The following TAF6 variants were observed in gnomAD, a reference collection of about 807,000 sequenced individuals.
TAF6 encodes transcription initiation factor TFIID subunit 6.
TAF6 carries 50 observed loss-of-function variants against 73.5 expected under a neutral mutation model. The observed-to-expected ratio is 0.68, with a 90% CI of 0.54 to 0.86. The LOEUF is 0.86. Ranked by LOEUF, TAF6 falls within the 40% of genes least tolerant of loss-of-function variation. The pLI, the probability that TAF6 is intolerant of heterozygous loss-of-function variation, is 0.00. For synonymous variants in TAF6, 424 were observed against 376.7 expected, an observed-to-expected ratio of 1.13 and a Z score of -1.45; for missense variants, 768 against 899.5, an observed-to-expected ratio of 0.85 and a Z score of 1.87.
chr7:100,112,834 C>T lies in TAF6; in HGVS notation c.538G>A (p.Gly180Ser), dbSNP rs762240385. 4 of 1,613,796 alleles carry T rather than the reference C, an allele frequency of 2.5e-6. No homozygotes were observed. The South Asian group carries it at 3.3e-5, about 13-fold the overall frequency. Residue 180 changes from glycine to serine, a missense_variant, in exon 6 of 15, where the codon GGC becomes AGC. This residue lies in a region of TAF6 where 269 missense variants were observed against 268.0 expected (regional missense o/e 1.00). Transcript: ENST00000453269. ...PGQEEDGPLK[G>S]KGQGATTADG... ...GCTGTGGTGGCCCCTTGACCTTTGC[C>T]CTTCAGGGGTCCGTCTTCCTCCTGG...
At position 100,113,750 on chromosome 7, in the gene TAF6, G is replaced by C. The variant is rs1584559442; in HGVS notation, c.263C>G (p.Ala88Gly). 1.2e-6 allele frequency: 2 copies of C among 1,613,988 alleles called. No homozygotes were observed. The highest frequency in any genetic ancestry group is 1.1e-5 in the South Asian group (1 of 91,062). The change falls in exon 4 of 15, where the codon GCC becomes GGC. Residue 88 changes from alanine to glycine, a missense_variant. Transcript: ENST00000453269. ...KNVEPLYGFH[A>G]QEFIPFRFAS... Reference sequence around the variant, plus strand: ...GAAGCGGAAAGGAATGAACTCCTGGGCGTGGAAGCCATAGAGTGGCTGTGG... The same window carrying C: ...GAAGCGGAAAGGAATGAACTCCTGGCCGTGGAAGCCATAGAGTGGCTGTGG...
chr7:100,116,884 G>A lies in TAF6; in HGVS notation c.-60+2320C>T, dbSNP rs557162523. ...AAATATCTAATTGGCTGCCTACCCT[G>A]ACCACCCTATTTAACTCTGCACTCT... On this transcript the variant is annotated intron_variant, in intron 1 of 14. Coordinates refer to ENST00000453269, the MANE Select transcript of TAF6 (RefSeq NM_139315.3). Among the ~76,000 whole-genome samples the A allele has an allele frequency of 5.3e-5, 8 of 152,144 alleles. No homozygotes were observed. In the East Asian group the frequency reaches 1.5e-3, roughly 29 times the overall value.
intron 12 of TAF6, among the ~76,000 whole-genome samples, chr7:100,109,397 G>A (rs1796946516): frequency 1.3e-5 from 2 of 152,116 alleles, no homozygotes; most frequent in Admixed American, 1.3e-4. Flanking sequence ...TACTGTGGCA[G>A]GATGGTTAAT....
chr7:100,119,983 G>T, upstream of TAF6: 1 of 842,616 alleles, frequency 1.2e-6, no homozygotes, highest in South Asian at 2.0e-5. Context: ...GGGAGGTTCT[G>T]GTGGAGCTTG....
rs1483215004 is a variant in TAF6, at chr7:100,111,771, A to G, written c.857T>C (p.Val286Ala). ...CGTGGGGTTGTCCATCAGCGCTTTC[A>G]CCATACGCATCAGGTAGATGAGTAG... ...LALLIYLMRM[V>A]KALMDNPTLY... The change falls in exon 9 of 15, where the codon GTG becomes GCG. Residue 286 changes from valine to alanine, a missense_variant. Transcript: ENST00000453269. 1.2e-6 allele frequency: 2 copies of G among 1,614,152 alleles called. No individual in the cohort carries two copies. The highest frequency in any genetic ancestry group is 1.1e-5 in the South Asian group (1 of 91,078).
upstream of TAF6, chr7:100,119,754 G>A (rs1184064857): frequency 3.1e-6 from 5 of 1,614,214 alleles, no homozygotes; most frequent in Non-Finnish European, 4.2e-6. Context: ...CATGGGACCT[G>A]TGCGGTTGGG....
the TAF6 span, among the ~76,000 whole-genome samples, chr7:100,126,215 G>A: frequency 1.7e-3 from 253 of 152,228 alleles, 2 homozygotes; most frequent in African/African-American, 5.8e-3. Flanking sequence ...GGTGGTGGGC[G>A]CCTGTAATCC....
At position 100,111,845 on chromosome 7, in the gene TAF6, G is replaced by A; in HGVS notation, c.799-16C>T. 6.2e-7 allele frequency: 1 copy of A among 1,614,212 alleles called. No homozygotes were observed. ...TCACACGGACCTGTGGGAGGGAGAA[G>A]TGCTGGGCATGGGGCAGGGAGACCC... On this transcript the variant is annotated splice_polypyrimidine_tract_variant and intron_variant, in intron 8 of 14. Coordinates refer to ENST00000453269, the MANE Select transcript of TAF6 (RefSeq NM_139315.3).
intron 14 of TAF6, 51 bp from the exon 15 acceptor site, chr7:100,107,674 C>A (rs763657555): frequency 1.9e-6 from 3 of 1,591,216 alleles, no homozygotes; most frequent in Admixed American, 1.8e-5. Context: ...CCCTGCCCCC[C>A]AGAGGCCTGG....
At chr7:100,124,286 A>C (rs1362876275), upstream of TAF6, 2 of 508,514 alleles carry the variant, frequency 3.9e-6, no homozygotes, top group Admixed American at 6.5e-5. Flanking sequence ...ATTACCATAC[A>C]TATTTTACAG....
upstream of TAF6, among the ~76,000 whole-genome samples, chr7:100,121,899 A>T (rs1342142656): frequency 6.6e-6 from 1 of 152,034 alleles, no homozygotes; most frequent in Non-Finnish European, 1.5e-5. Context: ...AAATACAAAA[A>T]ATTAGCCGGG....
chr7:100,120,036 C>A, upstream of TAF6: 1 of 528,268 alleles, frequency 1.9e-6, no homozygotes, highest in Non-Finnish European at 3.2e-6. Flanking sequence ...TGTAGTGCCA[C>A]CTCAAACTGC....
rs4134907 is a variant in TAF6 at position 100,111,674 on chromosome 7, T to G, written c.900+54A>C. The stretch of plus-strand genomic sequence containing the variant: ...CCACTGCTGACCACTGACTTCCTGT[T>G]GGTGGCAGCAGGGTCCCTAGTCCCT... On this transcript the variant is annotated intron_variant, in intron 9 of 14. Coordinates refer to ENST00000453269, the MANE Select transcript of TAF6 (RefSeq NM_139315.3). 3,596 of 1,571,868 alleles carry G rather than the reference T, an allele frequency of 2.3e-3. 74 individuals carry two copies. In the African/African-American group the frequency reaches 0.042, roughly 19 times the overall value.
intron 1 of TAF6, chr7:100,115,528 GGCGC>G (rs1797599658): frequency 6.6e-6 from 1 of 152,206 alleles, no homozygotes; most frequent in Non-Finnish European, 1.5e-5. Context: ...TGGGCATGGT[GGCGC>G]GTGCCTGTAA....
upstream of TAF6, chr7:100,122,127 C>A: frequency 9.1e-7 from 1 of 1,102,632 alleles, no homozygotes; most frequent in African/African-American, 1.6e-5. Context: ...AATGGCTGAG[C>A]CAGGATTCCA....
At chr7:100,113,321 G>C in intron 5 of TAF6, 28 bp downstream of exon 5, 1 of 1,554,760 alleles carries the variant, frequency 6.4e-7, no homozygotes, top group Non-Finnish European at 8.7e-7. Flanking sequence ...GGGACCCAGA[G>C]ACCCAGAGGG....
upstream of TAF6, chr7:100,122,327 G>A (rs780840644): frequency 7.6e-5 from 122 of 1,614,146 alleles, no homozygotes; most frequent in Non-Finnish European, 1.0e-4. Context: ...AGAGGTGCTG[G>A]AGCTGGGGCA....
At position 100,112,872 on chromosome 7, in the gene TAF6, G is replaced by A. The variant is rs1397996420; in HGVS notation, c.500C>T (p.Ser167Leu). The change falls in exon 6 of 15, where the codon TCA becomes TTA. Residue 167 changes from serine (S) to leucine (L), a missense_variant. By Grantham distance (145) the Ser-to-Leu change is moderately radical. Coordinates refer to ENST00000453269, the MANE Select transcript of TAF6 (RefSeq NM_139315.3). ...GTCTTCCTCCTGGCCTGGCTTGGCT[G>A]ACTTCAGGGGTTCTGTGGCTTCAGC... ...QKAEATEPLK[S>L]AKPGQEEDGP... 2.0e-5 allele frequency: 33 copies of A among 1,613,792 alleles called. No individual in the cohort carries two copies. Among genetic ancestry groups the A allele is most frequent in the Non-Finnish European group, 2.7e-5 (32 of 1,179,830 alleles).
chr7:100,107,265 G>A lies in TAF6; in HGVS notation c.2015C>T (p.Ser672Phe). 1 of 1,523,978 alleles carries A rather than the reference G, an allele frequency of 6.6e-7. No individual in the cohort carries two copies. Among genetic ancestry groups the A allele is most frequent in the African/African-American group, 1.4e-5 (1 of 71,940 alleles). 94.4% of individuals were successfully genotyped at this position (1,523,978 alleles called of 1,614,324 possible). A position where few individuals can be genotyped will look rare whatever the true frequency, so the allele number is the denominator to read the frequency against. Residue 672 changes from serine (S) to phenylalanine (F), a missense_variant, in exon 15 of 15, where the codon TCC becomes TTC. Physicochemically the swap from Ser to Phe is radical, Grantham distance 155. Transcript: ENST00000453269. ...KANGSQPNSG[S>F]PQPAP The stretch of plus-strand genomic sequence containing the variant: ...GGAGCATCACGGAGCAGGCTGAGGG[G>A]AGCCGGAGTTGGGCTGGGAGCCATT...
Sources: allele counts gnomAD v4.1 joint callset (sites outside exome capture counted in the v4.1 genomes callset), GRCh38; gene constraint gnomAD v4.1.1; regional missense constraint gnomAD v4.1.1; transcripts MANE v1.5; gene names NCBI Gene and HGNC (gene_info 2026-07-23, HGNC 2026-07-21).